Variants in TNFAIP8L3 observed in about 807,000 individuals in gnomAD.
TNFAIP8L3 encodes the protein TNF alpha induced protein 8 like 3, also known as tumor necrosis factor alpha-induced protein 8-like protein 3.
TNFAIP8L3 carries 7 observed loss-of-function variants against 11.8 expected under a neutral mutation model. That is an observed-to-expected ratio of 0.59 (90% CI 0.34 to 1.11). The LOEUF is 1.11. Ranked by LOEUF, TNFAIP8L3 falls within the 50% of genes most tolerant of loss-of-function variation. TNFAIP8L3 has a pLI of 0.03. For synonymous variants in TNFAIP8L3, 98 were observed against 103.8 expected (o/e 0.94, Z 0.34); for missense variants, 219 against 258.6 (o/e 0.85, Z 1.05).
At chr15:51,080,890 A>C (rs899165746) in intron 1 of TNFAIP8L3, among the ~76,000 whole-genome samples, 1 of 152,224 alleles carries the variant, frequency 6.6e-6, no homozygotes, top group South Asian at 2.1e-4. Context: ...CTTTATTCCA[A>C]CCACACCCTT....
At chr15:51,070,605 CTCTGCCCCAGAG>C (rs1040538284) in intron 1 of TNFAIP8L3, among the ~76,000 whole-genome samples, 3 of 152,204 alleles carry the variant, frequency 2.0e-5, no homozygotes, top group Non-Finnish European at 4.4e-5. Flanking sequence ...ATTGGGCAGA[CTCTGCCCCAGAG>C]TCTGCCTGAG....
chr15:51,073,531 C>T (rs1438075507), intron 1 of TNFAIP8L3, among the ~76,000 whole-genome samples: 1 of 152,176 alleles, frequency 6.6e-6, no homozygotes, highest in Non-Finnish European at 1.5e-5. Context: ...CCCAACTGAT[C>T]CCTGTATACT....
At chr15:51,101,728 T>C (rs1370256025) in intron 1 of TNFAIP8L3, among the ~76,000 whole-genome samples, 2 of 151,460 alleles carry the variant, frequency 1.3e-5, no homozygotes, top group Admixed American at 6.6e-5. Context: ...GGGCGGATCA[T>C]GAGGTCAGGA....
intron 1 of TNFAIP8L3, among the ~76,000 whole-genome samples, chr15:51,061,848 A>G (rs1040841222): frequency 6.6e-6 from 1 of 152,192 alleles, no homozygotes; most frequent in Admixed American, 6.5e-5. Context: ...ATGAAGTTTT[A>G]TTGGAAATGC....
intron 1 of TNFAIP8L3, among the ~76,000 whole-genome samples, chr15:51,083,173 T>G (rs1482703487): frequency 2.6e-5 from 4 of 152,182 alleles, no homozygotes; most frequent in Non-Finnish European, 5.9e-5. Context: ...CCGTATGATC[T>G]CTTATTTTTA....
intron 1 of TNFAIP8L3, among the ~76,000 whole-genome samples, chr15:51,060,008 G>C (rs2065232498): frequency 6.6e-6 from 1 of 152,230 alleles, no homozygotes; most frequent in Admixed American, 6.5e-5. Flanking sequence ...AAGTGACCCT[G>C]ACATGGCCAG....
chr15:51,101,496 C>T (rs12592941), intron 1 of TNFAIP8L3, among the ~76,000 whole-genome samples: 27,239 of 151,918 alleles, frequency 0.18, 3,104 homozygotes, highest in East Asian at 0.44. Flanking sequence ...TGGTGCATGC[C>T]TATAATCCCA....
Position 51,094,667 on chromosome 15 carries a change from TC to T in TNFAIP8L3, c.-73del. ...GGGCGCTCGGGCAGCCGCGGCGCACTCAGGGCGGACAGCGGGGCGGCTGGAG... is the reference window on the plus strand; with the variant it reads ...GGGCGCTCGGGCAGCCGCGGCGCACTAGGGCGGACAGCGGGGCGGCTGGAG... On this transcript the variant is annotated 5_prime_UTR_variant, in exon 1 of 2. Coordinates refer to ENST00000637513, the MANE Select transcript of TNFAIP8L3 (RefSeq NM_001311175.2). This position sits in a 1 kb window ranked among gnomAD's most constrained non-coding sequence, Gnocchi z 4.4. 3.1e-6 allele frequency: 4 copies of T among 1,290,190 alleles called. No individual in the cohort carries two copies. The highest frequency in any genetic ancestry group is 3.9e-6 in the Non-Finnish European group (4 of 1,021,196). The allele number at this position is 1,290,190 out of a possible 1,614,324, so 79.9% of individuals were successfully genotyped here. A position where few individuals can be genotyped will look rare whatever the true frequency, so the allele number is the denominator to read the frequency against.
At chr15:51,092,847 G>A (rs1210403877) in intron 1 of TNFAIP8L3, among the ~76,000 whole-genome samples, 1 of 152,006 alleles carries the variant, frequency 6.6e-6, no homozygotes, top group South Asian at 2.1e-4. Flanking sequence ...CCCTGCCCCC[G>A]GCTTCTCTTC....
Position 51,058,372 on chromosome 15 carries a change from T to G in TNFAIP8L3, c.124A>C (p.Lys42Gln), listed in dbSNP as rs770303431. The G allele has an allele frequency of 1.2e-6, 2 of 1,614,044 alleles. No homozygotes were observed. Among genetic ancestry groups the G allele is most frequent in the Non-Finnish European group, 1.7e-6 (2 of 1,180,024 alleles). ...QKKILSKIAS[K>Q]TVANMLIDDT... ...TCAATCAACATGTTGGCCACAGTTTTGCTGGCTATTTTGCTCAGAATCTTC... is the reference window on the plus strand; with the variant it reads ...TCAATCAACATGTTGGCCACAGTTTGGCTGGCTATTTTGCTCAGAATCTTC... Residue 42 changes from lysine (K) to glutamine (Q), a missense_variant, in exon 2 of 2, where the codon AAA becomes CAA. Lys to Gln is a moderately conservative substitution (Grantham distance 53, BLOSUM62 1). Transcript: ENST00000637513.
At chr15:51,103,091 A>T (rs2065565440) in intron 1 of TNFAIP8L3, among the ~76,000 whole-genome samples, 1 of 150,602 alleles carries the variant, frequency 6.6e-6, no homozygotes. Flanking sequence ...TCTTCTATCT[A>T]TCCAACATTT....
intron 1 of TNFAIP8L3, among the ~76,000 whole-genome samples, chr15:51,067,714 A>G (rs2065281318): frequency 6.6e-6 from 1 of 152,184 alleles, no homozygotes. Context: ...GGTTAAACAG[A>G]CTCACTGATT....
intron 1 of TNFAIP8L3, among the ~76,000 whole-genome samples, chr15:51,081,180 C>T (rs1567292734): frequency 6.6e-6 from 1 of 152,102 alleles, no homozygotes; most frequent in South Asian, 2.1e-4. Context: ...GCAGTGGAAA[C>T]GGAGAGCAGC....
chr15:51,080,139 T>A (rs749258086), intron 1 of TNFAIP8L3, among the ~76,000 whole-genome samples: 2 of 152,204 alleles, frequency 1.3e-5, no homozygotes, highest in African/African-American at 4.8e-5. Flanking sequence ...CACCTTCCAA[T>A]TTGCTTCTCT....
upstream of TNFAIP8L3, among the ~76,000 whole-genome samples, chr15:51,097,304 A>G (rs1175711756): frequency 1.3e-5 from 2 of 152,208 alleles, no homozygotes; most frequent in Non-Finnish European, 2.9e-5. Flanking sequence ...ACAGTAAACA[A>G]TGTACTGAGA....
At chr15:51,104,209 A>AT (rs1239692239) in intron 1 of TNFAIP8L3, among the ~76,000 whole-genome samples, 1 of 151,856 alleles carries the variant, frequency 6.6e-6, no homozygotes, top group Non-Finnish European at 1.5e-5. Flanking sequence ...GAGTCTCTTG[A>AT]TTTTACCCTT....
chr15:51,058,108 C>T lies in TNFAIP8L3; in HGVS notation c.388G>A (p.Asp130Asn), dbSNP rs762065818. 5.0e-6 allele frequency: 8 copies of T among 1,613,988 alleles called. No individual in the cohort carries two copies. The highest frequency in any genetic ancestry group is 2.2e-5 in the South Asian group (2 of 91,062). The change falls in exon 2 of 2, where the codon GAT becomes AAT. Residue 130 changes from aspartate to asparagine, a missense_variant. By Grantham distance (23) the Asp-to-Asn change is conservative. Coordinates refer to ENST00000637513, the MANE Select transcript of TNFAIP8L3 (RefSeq NM_001311175.2). ...AGGAGATTGGAGAGCACGTTCCTAT[C>T]GAAGGTGTATTCCACCTCATAGAAG... is the stretch of plus-strand genomic sequence containing the variant. ...VSFYEVEYTF[D>N]RNVLSNLLHE...
In TNFAIP8L3 at chr15:51,094,774, C is replaced by CAGG; in HGVS notation, c.-180_-179insCCT. The CAGG allele has an allele frequency of 1.1e-6, 1 of 904,974 alleles. No homozygotes were observed. The highest frequency in any genetic ancestry group is 1.3e-6 in the Non-Finnish European group (1 of 760,580). 56.1% of individuals were successfully genotyped at this position (904,974 alleles called of 1,614,324 possible). A position where few individuals can be genotyped will look rare whatever the true frequency, so the allele number is the denominator to read the frequency against. ...GCGGCTCCGCAGAGGCGAGCGCCGCCGCGCCCCGCTCCCCGCGCCCGCCGG... is the reference window on the plus strand; with the variant it reads ...GCGGCTCCGCAGAGGCGAGCGCCGCCAGGGCGCCCCGCTCCCCGCGCCCGCCGG... On this transcript the variant is annotated 5_prime_UTR_variant, in exon 1 of 2. Transcript: ENST00000637513. This position sits in a 1 kb window ranked among gnomAD's most constrained non-coding sequence, Gnocchi z 4.4.
chr15:51,096,605 G>A (rs554495217), upstream of TNFAIP8L3, among the ~76,000 whole-genome samples: 2 of 152,258 alleles, frequency 1.3e-5, no homozygotes, highest in Non-Finnish European at 2.9e-5. Context: ...AAAGAAAAAA[G>A]TGGGGGCCGG....
Sources: allele counts gnomAD v4.1 joint callset (sites outside exome capture counted in the v4.1 genomes callset), GRCh38; gene constraint gnomAD v4.1.1; non-coding constraint Gnocchi (gnomAD v3.1); transcripts MANE v1.5; gene names NCBI Gene and HGNC (gene_info 2026-07-23, HGNC 2026-07-21).